PLXNB2: variants seen among roughly 807,000 people sequenced by gnomAD.
PLXNB2 encodes the protein plexin-B2.
In PLXNB2, 85 loss-of-function variants were observed where a neutral mutation model predicts 202.6. That is an observed-to-expected ratio of 0.42 (90% CI 0.35 to 0.50). The LOEUF is 0.50. Among genes scored for constraint, PLXNB2 ranks in the 20% least tolerant of loss-of-function variants. The pLI is 0.02. For synonymous variants in PLXNB2, 1,239 were observed against 1,137.6 expected, an observed-to-expected ratio of 1.09 and a Z score of -1.79; for missense variants, 2,063 against 2,586.2, an observed-to-expected ratio of 0.80 and a Z score of 4.39.
intron 1 of PLXNB2, among the ~76,000 whole-genome samples, chr22:50,305,591 C>T (rs1052597262): frequency 3.9e-5 from 6 of 152,182 alleles, no homozygotes; most frequent in Non-Finnish European, 7.4e-5. Context: ...GAGGCTGGTC[C>T]GTTAGTCAGG....
In PLXNB2 at chr22:50,287,214, C is replaced by T. The variant is rs540653337; in HGVS notation, c.1659G>A (p.Leu553=). The change falls in exon 8 of 37, where the codon TTG becomes TTA. Residue 553 remains leucine (L), a synonymous_variant. Coordinates refer to ENST00000359337, the MANE Select transcript of PLXNB2 (RefSeq NM_012401.4). ...GCGGCGACTCCCCAAAAAGGCACAG[C>T]AACTCGTCCTCCTCGCTCAGGGCAG... ...PLPALSEEDE[L]LCLFGESPPH... The T allele has an allele frequency of 4.0e-5, 62 of 1,550,720 alleles. No individual in the cohort carries two copies. In the Middle Eastern group the frequency reaches 5.0e-4, roughly 13 times the overall value.
At position 50,288,639 on chromosome 22, in the gene PLXNB2, A is replaced by G. The variant is rs1204523577; in HGVS notation, c.1380+104T>C. 6.7e-7 allele frequency: 1 copy of G among 1,487,222 alleles called. No individual in the cohort carries two copies. The highest frequency in any genetic ancestry group is 2.0e-5 in the Admixed American group (1 of 50,884). The allele number at this position is 1,487,222 out of a possible 1,614,324, so 92.1% of individuals were successfully genotyped here. A position where few individuals can be genotyped will look rare whatever the true frequency, so the allele number is the denominator to read the frequency against. Reference sequence around the variant, plus strand: ...ACCAAGGAGAAGGGCCCAGCTCTGCAGCACCCCATCCTCCTCTGGCCCCCA... The same window carrying G: ...ACCAAGGAGAAGGGCCCAGCTCTGCGGCACCCCATCCTCCTCTGGCCCCCA... On this transcript the variant is annotated intron_variant, in intron 5 of 36. Transcript: ENST00000359337. This position sits in a 1 kb window ranked among gnomAD's most constrained non-coding sequence, Gnocchi z 5.0.
chr22:50,304,003 G>A (rs921039666), intron 1 of PLXNB2, among the ~76,000 whole-genome samples: 1 of 152,236 alleles, frequency 6.6e-6, no homozygotes, highest in Non-Finnish European at 1.5e-5. Flanking sequence ...CCTGGGACAT[G>A]AGGCAGCTCA....
At position 50,289,822 on chromosome 22, in the gene PLXNB2, T is replaced by C. The variant is rs1486280033; in HGVS notation, c.763A>G (p.Asn255Asp). The C allele has an allele frequency of 6.2e-7, 1 of 1,613,250 alleles. No individual in the cohort carries two copies. Among genetic ancestry groups the C allele is most frequent in the Non-Finnish European group, 8.5e-7 (1 of 1,180,020 alleles). ...LLARMCREDPNYYSYLEMDLQ... is the reference protein window; with the variant it reads ...LLARMCREDPDYYSYLEMDLQ... ...TCCATCTCCAGGTAGGAGTAGTAGT[T>C]GGGGTCTTCTCTGCACATGCGTGCC... The change falls in exon 3 of 37, where the codon AAC becomes GAC. Residue 255 changes from asparagine to aspartate, a missense_variant. Physicochemically the swap from Asn to Asp is conservative, Grantham distance 23. Around this residue, in one of 2 missense-constraint regions of PLXNB2, gnomAD observed 1,303 missense variants for 1,476.8 expected, o/e 0.88. Coordinates refer to ENST00000359337, the MANE Select transcript of PLXNB2 (RefSeq NM_012401.4). This position sits in a 1 kb window ranked among gnomAD's most constrained non-coding sequence, Gnocchi z 8.0.
At position 50,277,897 on chromosome 22, in the gene PLXNB2, G is replaced by A. The variant is rs770175554; in HGVS notation, c.5004C>T (p.His1668=). The change falls in exon 32 of 37, where the codon CAC becomes CAT. Residue 1668 remains histidine, a synonymous_variant. Transcript: ENST00000359337. ...GGATGGTGTCTTCATCCTGGATGTT[G>A]TGCTTCTCTGCCTGCTCGTCCAGGA... ...FDFLDEQAEK[H]NIQDEDTIHI... 3 of 1,613,068 alleles carry A rather than the reference G, an allele frequency of 1.9e-6. No individual in the cohort carries two copies. Among genetic ancestry groups the A allele is most frequent in the African/African-American group, 2.7e-5 (2 of 74,946 alleles).
Position 50,288,617 on chromosome 22 carries a change from A to C in PLXNB2, c.1380+126T>G. 1.5e-6 allele frequency: 2 copies of C among 1,355,170 alleles called. No individual in the cohort carries two copies. Among genetic ancestry groups the C allele is most frequent in the Non-Finnish European group, 2.0e-6 (2 of 1,004,268 alleles). The allele number at this position is 1,355,170 out of a possible 1,614,324, so 83.9% of individuals were successfully genotyped here. A position where few individuals can be genotyped will look rare whatever the true frequency, so the allele number is the denominator to read the frequency against. ...CACCCAGCCACCCCTCATCCAGACC[A>C]AGGAGAAGGGCCCAGCTCTGCAGCA... is the stretch of plus-strand genomic sequence containing the variant. On this transcript the variant is annotated intron_variant, in intron 5 of 36. Coordinates refer to ENST00000359337, the MANE Select transcript of PLXNB2 (RefSeq NM_012401.4). This position sits in a 1 kb window ranked among gnomAD's most constrained non-coding sequence, Gnocchi z 5.0.
In PLXNB2 at chr22:50,304,321, G is replaced by C. The variant is rs150897588; in HGVS notation, c.-74+3232C>G. Among the ~76,000 whole-genome samples the C allele has an allele frequency of 6.0e-3, 921 of 152,316 alleles. 11 individuals are homozygous for C. Among genetic ancestry groups the C allele is most frequent in the African/African-American group, 0.021 (888 of 41,552 alleles). On this transcript the variant is annotated intron_variant, in intron 1 of 36. Coordinates refer to ENST00000359337, the MANE Select transcript of PLXNB2 (RefSeq NM_012401.4). ...AGGGCAGGGTGGATCCACTGGGGGG[G>C]TGCGGGGTGCCAGTGTTCAGGGCCA...
Position 50,290,668 on chromosome 22 carries a change from TG to T in PLXNB2, c.-13-72del, listed in dbSNP as rs2066804175. On this transcript the variant is annotated intron_variant, in intron 2 of 36. Coordinates refer to ENST00000359337, the MANE Select transcript of PLXNB2 (RefSeq NM_012401.4). ...CCCGATCAAATCCCTCTCCAGTCCC[TG>T]CCCCAAACGTCAGAACATGGGAGAG... 2.8e-6 allele frequency: 4 copies of T among 1,430,322 alleles called. No homozygotes were observed. The Admixed American group carries it at 1.0e-4, about 36-fold the overall frequency. The allele number at this position is 1,430,322 out of a possible 1,614,324, so 88.6% of individuals were successfully genotyped here.
chr22:50,288,666 G>C lies in PLXNB2; in HGVS notation c.1380+77C>G. 6.4e-7 allele frequency: 1 copy of C among 1,574,238 alleles called. No homozygotes were observed. ...CACCCCATCCTCCTCTGGCCCCCAG[G>C]CCTGTCCTAAGGGCCTGGGATGCAA... On this transcript the variant is annotated intron_variant, in intron 5 of 36. Coordinates refer to ENST00000359337, the MANE Select transcript of PLXNB2 (RefSeq NM_012401.4). This position sits in a 1 kb window ranked among gnomAD's most constrained non-coding sequence, Gnocchi z 5.0.
chr22:50,303,277 G>A (rs2067774474), intron 1 of PLXNB2, among the ~76,000 whole-genome samples: 1 of 152,222 alleles, frequency 6.6e-6, no homozygotes, highest in Non-Finnish European at 1.5e-5. Flanking sequence ...GCAGCCTGAG[G>A]CATAGCCCCC....
At chr22:50,303,450 G>T (rs575231988) in intron 1 of PLXNB2, among the ~76,000 whole-genome samples, 1 of 152,242 alleles carries the variant, frequency 6.6e-6, no homozygotes, top group East Asian at 1.9e-4. Context: ...ATGCTGGCTC[G>T]GGGGCCCCAG....
rs754910456 is a variant in PLXNB2, at chr22:50,280,815, G to A, written c.3922C>T (p.Arg1308Trp). 1.0e-5 allele frequency: 16 copies of A among 1,597,634 alleles called. No homozygotes were observed. The highest frequency in any genetic ancestry group is 2.7e-5 in the African/African-American group (2 of 74,234). ...AGGGCCTGCTCCACCACCGGCCGCCGCGGCTCAGGGATGTCCAGCTTGCCG... is the reference window on the plus strand; with the variant it reads ...AGGGCCTGCTCCACCACCGGCCGCCACGGCTCAGGGATGTCCAGCTTGCCG... ...ITGKLDIPEP[R>W]RPVVEQALYQ... Residue 1308 changes from arginine to tryptophan, a missense_variant, in exon 24 of 37, where the codon CGG becomes TGG. By Grantham distance (101) the Arg-to-Trp change is moderately radical. Coordinates refer to ENST00000359337, the MANE Select transcript of PLXNB2 (RefSeq NM_012401.4).
intron 17 of PLXNB2, 83 bp downstream of exon 17, chr22:50,282,967 G>A: frequency 6.4e-7 from 1 of 1,565,116 alleles, no homozygotes; most frequent in Non-Finnish European, 8.7e-7. Flanking sequence ...CATCCCCTCA[G>A]GGCCACTCAG....
chr22:50,293,152 C>G (rs556252496), intron 2 of PLXNB2, among the ~76,000 whole-genome samples: 1 of 152,338 alleles, frequency 6.6e-6, no homozygotes, highest in South Asian at 2.1e-4. Context: ...ATTCTACAAG[C>G]CCACGGGAAC....
rs193050255 is a variant in PLXNB2 at position 50,293,244 on chromosome 22, G to A, written c.-14+1475C>T. ...GCTGTGGCTCAGTGGCCTGTCCAGG[G>A]GAGAGGAGAGGAGGGCACAGGAGTC... On this transcript the variant is annotated intron_variant, in intron 2 of 36. Transcript: ENST00000359337. 2.9e-4 allele frequency among the ~76,000 whole-genome samples: 44 copies of A among 152,194 alleles called. 1 individual carries two copies. The highest frequency in any genetic ancestry group is 2.5e-4 in the Non-Finnish European group (17 of 68,020).
Position 50,284,447 on chromosome 22 carries a change from C to A in PLXNB2, c.2181+126G>T, listed in dbSNP as rs2066268521. 3 of 786,462 alleles carry A rather than the reference C, an allele frequency of 3.8e-6. No homozygotes were observed. Among genetic ancestry groups the A allele is most frequent in the Non-Finnish European group, 4.2e-6 (2 of 477,382 alleles). 48.7% of individuals were successfully genotyped at this position (786,462 alleles called of 1,614,324 possible). A position where few individuals can be genotyped will look rare whatever the true frequency, so the allele number is the denominator to read the frequency against. ...CCCAGCAGCACAGGGCATGGCGAGC[C>A]CCTGGCTGGGCTCTGGTCCCTGGGG... On this transcript the variant is annotated intron_variant, in intron 12 of 36. Transcript: ENST00000359337. The surrounding 1 kb of genome is among the most constrained non-coding windows in gnomAD (Gnocchi z 8.0).
In PLXNB2 at chr22:50,280,467, TCGTGGCCCCGCC is replaced by T. The variant is rs773317896; in HGVS notation, c.4175+10_4175+21del. The T allele has an allele frequency of 1.3e-6, 2 of 1,581,192 alleles. No homozygotes were observed. Among genetic ancestry groups the T allele is most frequent in the Admixed American group, 1.7e-5 (1 of 58,302 alleles). On this transcript the variant is annotated intron_variant, in intron 25 of 36. Coordinates refer to ENST00000359337, the MANE Select transcript of PLXNB2 (RefSeq NM_012401.4). ...GCGGCCGCCCCGCCCGTGGCCCCGC[TCGTGGCCCCGCC>T]CATGTGCACCTGCGCAGCATCAGCT...
intron 33 of PLXNB2, among the ~76,000 whole-genome samples, chr22:50,277,359 C>A (rs1456597594): frequency 6.6e-6 from 1 of 152,136 alleles, no homozygotes; most frequent in East Asian, 1.9e-4. Context: ...AGTTTCTCTG[C>A]TCGTGTGCTG....
intron 2 of PLXNB2, among the ~76,000 whole-genome samples, chr22:50,292,131 T>A (rs1400491526): frequency 1.3e-5 from 2 of 150,760 alleles, no homozygotes; most frequent in African/African-American, 4.9e-5. Flanking sequence ...AGGTCAGGAG[T>A]TTGAGACCAG....
Sources: gnomAD v4.1 joint callset for allele counts (sites outside exome capture counted in the v4.1 genomes callset) on GRCh38, gnomAD v4.1.1 for gene constraint, gnomAD v4.1.1 regional missense constraint, Gnocchi (gnomAD v3.1) non-coding constraint, MANE v1.5 for transcripts, NCBI Gene and HGNC (gene_info 2026-07-23, HGNC 2026-07-21) for gene names.